MAML2: variants seen among roughly 807,000 people sequenced by gnomAD.
MAML2 encodes mastermind-like protein 2.
MAML2 carries 22 observed loss-of-function variants against 96.1 expected under a neutral mutation model. That is an observed-to-expected ratio of 0.23 (90% CI 0.16 to 0.33). The LOEUF is 0.33. Among genes scored for constraint, MAML2 ranks in the 10% least tolerant of loss-of-function variants. The pLI, the probability that MAML2 is intolerant of heterozygous loss-of-function variation, is 1.00. For synonymous variants in MAML2, 561 were observed against 521.3 expected (o/e 1.08, Z -1.04); for missense variants, 1,367 against 1,392.4 (o/e 0.98, Z 0.29).
At chr11:96,168,140 A>AT (rs1415555460) in intron 1 of MAML2, among the ~76,000 whole-genome samples, 8 of 151,982 alleles carry the variant, frequency 5.3e-5, no homozygotes, top group Non-Finnish European at 1.2e-4. Flanking sequence ...AATCTTGAAA[A>AT]TTTTTCTTAA....
chr11:96,147,681 G>A (rs574979688), intron 1 of MAML2, among the ~76,000 whole-genome samples: 144 of 152,262 alleles, frequency 9.5e-4, no homozygotes, highest in Middle Eastern at 3.4e-3. Context: ...TTGATTTCTG[G>A]CTAAAACCCT....
chr11:96,199,257 AT>A (rs1411570278), intron 1 of MAML2, among the ~76,000 whole-genome samples: 1 of 146,498 alleles, frequency 6.8e-6, no homozygotes, highest in Non-Finnish European at 1.5e-5. Flanking sequence ...TGCTGCAGGT[AT>A]TTTCTCCTTC....
In MAML2 at chr11:96,079,859, G is replaced by A. The variant is rs1434720858; in HGVS notation, c.2139+12033C>T. 3.3e-5 allele frequency among the ~76,000 whole-genome samples: 5 copies of A among 152,226 alleles called. No homozygotes were observed. In the South Asian group the frequency reaches 8.3e-4, roughly 25 times the overall value. The stretch of plus-strand genomic sequence containing the variant: ...ATATGGTGGCAGGAAGTCGTAGGAC[G>A]ACAGCTGTATCAGCAGGCCTAGGGA... On this transcript the variant is annotated intron_variant, in intron 2 of 4. Transcript: ENST00000524717.
At chr11:96,030,721 T>C (rs774806373) in intron 2 of MAML2, among the ~76,000 whole-genome samples, 3 of 152,174 alleles carry the variant, frequency 2.0e-5, no homozygotes, top group Non-Finnish European at 1.5e-5. Flanking sequence ...CAGTGACCAT[T>C]GACCTGACAG....
chr11:96,189,805 G>A (rs16923226), intron 1 of MAML2, among the ~76,000 whole-genome samples: 3,134 of 152,192 alleles, frequency 0.021, 115 homozygotes, highest in African/African-American at 0.071. Flanking sequence ...CATCACAAGA[G>A]GAAATAGCTT....
At chr11:96,263,716 C>G (rs1349095354) in intron 1 of MAML2, among the ~76,000 whole-genome samples, 2 of 152,204 alleles carry the variant, frequency 1.3e-5, no homozygotes, top group African/African-American at 2.4e-5. Flanking sequence ...TGAGTCTGTA[C>G]TTGGGCTCAG....
At chr11:96,235,821 C>T (rs16923395) in intron 1 of MAML2, among the ~76,000 whole-genome samples, 3,434 of 152,234 alleles carry the variant, frequency 0.023, 129 homozygotes, top group South Asian at 0.16. Context: ...CATTCAGTAC[C>T]GAGTAAAACC....
chr11:96,259,765 G>C (rs1191354756), intron 1 of MAML2, among the ~76,000 whole-genome samples: 1 of 152,140 alleles, frequency 6.6e-6, no homozygotes, highest in Non-Finnish European at 1.5e-5. Flanking sequence ...CCAGTTTCCT[G>C]CTTGCAAGAC....
chr11:96,170,616 T>TCCA (rs1179683994), intron 1 of MAML2, among the ~76,000 whole-genome samples: 2 of 152,190 alleles, frequency 1.3e-5, no homozygotes, highest in Non-Finnish European at 2.9e-5. Flanking sequence ...GATGCGTGGA[T>TCCA]TATCAGGCAG....
intron 1 of MAML2, among the ~76,000 whole-genome samples, chr11:96,170,103 T>C (rs556498389): frequency 6.6e-6 from 1 of 152,222 alleles, no homozygotes; most frequent in Non-Finnish European, 1.5e-5. Context: ...ATGCACAGCA[T>C]CACACGGTCC....
At chr11:96,121,860 C>T (rs1472653934) in intron 1 of MAML2, among the ~76,000 whole-genome samples, 1 of 127,930 alleles carries the variant, frequency 7.8e-6, no homozygotes, top group East Asian at 2.5e-4. Context: ...GATCTCGGCT[C>T]TCTGCAAGCT....
intron 2 of MAML2, among the ~76,000 whole-genome samples, chr11:96,048,982 A>G (rs192406059): frequency 1.8e-4 from 28 of 152,350 alleles, no homozygotes; most frequent in African/African-American, 6.3e-4. Flanking sequence ...GTACATTATA[A>G]GCAGACAAAA....
chr11:96,081,219 A>G (rs1859524657), intron 2 of MAML2, among the ~76,000 whole-genome samples: 1 of 152,164 alleles, frequency 6.6e-6, no homozygotes, highest in Non-Finnish European at 1.5e-5. Context: ...CATTATACCT[A>G]TAACCACATT....
intron 1 of MAML2, among the ~76,000 whole-genome samples, chr11:96,230,765 C>CAGGA (rs1211017477): frequency 2.6e-5 from 4 of 152,210 alleles, no homozygotes; most frequent in Non-Finnish European, 4.4e-5. Flanking sequence ...AATGAGGGAA[C>CAGGA]AATACGAAGC....
At chr11:96,159,889 A>G (rs530831194) in intron 1 of MAML2, among the ~76,000 whole-genome samples, 1 of 152,264 alleles carries the variant, frequency 6.6e-6, no homozygotes, top group Non-Finnish European at 1.5e-5. Flanking sequence ...AAAAACTACA[A>G]TTTAAAAACT....
At chr11:96,331,475 T>C (rs1008289233) in intron 1 of MAML2, among the ~76,000 whole-genome samples, 1 of 151,832 alleles carries the variant, frequency 6.6e-6, no homozygotes, top group African/African-American at 2.4e-5. Context: ...TTGCTATGGG[T>C]TCTTGGAGGC....
At position 96,072,882 on chromosome 11, in the gene MAML2, A is replaced by G. The variant is rs113568178; in HGVS notation, c.2139+19010T>C. Among the ~76,000 whole-genome samples, 1,518 of 152,306 alleles carry G rather than the reference A, an allele frequency of 1.0e-2. 23 individuals carry two copies. The highest frequency in any genetic ancestry group is 0.039 in the South Asian group (187 of 4,826). On this transcript the variant is annotated intron_variant, in intron 2 of 4. Transcript: ENST00000524717. The stretch of plus-strand genomic sequence containing the variant: ...TAAACTCCATTTGTCACCCGCTTAC[A>G]TGTGCCTCCAAGACTAAACTTGTCT...
At chr11:96,274,243 C>A (rs1834731329) in intron 1 of MAML2, among the ~76,000 whole-genome samples, 1 of 152,070 alleles carries the variant, frequency 6.6e-6, no homozygotes, top group Non-Finnish European at 1.5e-5. Flanking sequence ...CTACCACGCC[C>A]TGCTAATTTT....
chr11:96,022,374 A>T (rs1166922185), intron 2 of MAML2, among the ~76,000 whole-genome samples: 1 of 152,186 alleles, frequency 6.6e-6, no homozygotes. Flanking sequence ...TAAATGGGCC[A>T]TGTGTATCTG....
Sources: gnomAD v4.1 joint callset for allele counts (sites outside exome capture counted in the v4.1 genomes callset) on GRCh38, gnomAD v4.1.1 for gene constraint, MANE v1.5 for transcripts, NCBI Gene and HGNC (gene_info 2026-07-23, HGNC 2026-07-21) for gene names.